MAP3K10: variants seen among roughly 807,000 people sequenced by gnomAD.
MAP3K10 encodes the protein MKN28 derived nonreceptor_type serine/threonine kinase.
MAP3K10 carries 22 observed loss-of-function variants against 75.0 expected under a neutral mutation model. The observed-to-expected ratio is 0.29, with a 90% CI of 0.21 to 0.42. The LOEUF (loss-of-function observed/expected upper bound fraction) is 0.42. Ranked by LOEUF, MAP3K10 falls within the 10% of genes least tolerant of loss-of-function variation. The pLI is 1.00. For synonymous variants in MAP3K10, 599 were observed against 612.9 expected (o/e 0.98, Z 0.34); for missense variants, 1,165 against 1,379.8 (o/e 0.84, Z 2.47).
In MAP3K10 at chr19:40,204,539, C is replaced by T. The variant is rs556924077; in HGVS notation, c.918C>T (p.Ile306=). ...CGGGGGAGGTCCCCTACCGTGAGAT[C>T]GACGCCTTGGCCGTGGCGTATGGCG... ...LLTGEVPYRE[I]DALAVAYGVA... The change falls in exon 3 of 10, where the codon ATC becomes ATT. Residue 306 remains isoleucine (I), a synonymous_variant. Coordinates refer to ENST00000253055, the MANE Select transcript of MAP3K10 (RefSeq NM_002446.4). This position sits in a 1 kb window ranked among gnomAD's most constrained non-coding sequence, Gnocchi z 4.3. 3.1e-6 allele frequency: 5 copies of T among 1,613,952 alleles called. No homozygotes were observed. Among genetic ancestry groups the T allele is most frequent in the African/African-American group, 1.3e-5 (1 of 75,018 alleles).
rs1012757775 is a variant in MAP3K10 at position 40,191,955 on chromosome 19, G to A, written c.-77G>A. The A allele has an allele frequency of 7.5e-6, 8 of 1,067,864 alleles. No individual in the cohort carries two copies. In the Admixed American group the frequency reaches 1.4e-4, roughly 18 times the overall value. 66.1% of individuals were successfully genotyped at this position (1,067,864 alleles called of 1,614,324 possible). ...CCCCGCAGGGACTGCCCTCCATCCCGGCCGCCGGGGCCCGCCCTCTGCATC... is the reference window on the plus strand; with the variant it reads ...CCCCGCAGGGACTGCCCTCCATCCCAGCCGCCGGGGCCCGCCCTCTGCATC... On this transcript the variant is annotated 5_prime_UTR_variant, in exon 1 of 10. Coordinates refer to ENST00000253055, the MANE Select transcript of MAP3K10 (RefSeq NM_002446.4).
At position 40,215,421 on chromosome 19, in the gene MAP3K10, A is replaced by T; in HGVS notation, c.*129A>T. On this transcript the variant is annotated 3_prime_UTR_variant, in exon 10 of 10. Transcript: ENST00000253055. ...CACTCTATTTATTGGGGAAGGAGGG[A>T]GGGGGGGGACACTTAACTTATTCCT... The T allele has an allele frequency of 3.8e-6, 3 of 781,970 alleles. No homozygotes were observed. The highest frequency in any genetic ancestry group is 5.9e-6 in the Non-Finnish European group (3 of 507,514). The allele number at this position is 781,970 out of a possible 1,614,324, so 48.4% of individuals were successfully genotyped here.
intron 5 of MAP3K10, among the ~76,000 whole-genome samples, chr19:40,208,521 C>T (rs1973177815): frequency 6.7e-6 from 1 of 149,164 alleles, no homozygotes; most frequent in Non-Finnish European, 1.5e-5. Context: ...AAAATTTAAA[C>T]TCAAATTGCG....
chr19:40,205,814 T>A lies in MAP3K10; in HGVS notation c.1189-97T>A. ...CAGTGTACCCCACAGCAAGGTACCC[T>A]TGTGTGAGGCACCAACCAGACGCAG... On this transcript the variant is annotated intron_variant, in intron 4 of 9. Transcript: ENST00000253055. This position sits in a 1 kb window ranked among gnomAD's most constrained non-coding sequence, Gnocchi z 4.3. The A allele has an allele frequency of 2.3e-6, 3 of 1,326,378 alleles. No individual in the cohort carries two copies. Among genetic ancestry groups the A allele is most frequent in the Non-Finnish European group, 3.0e-6 (3 of 999,946 alleles). 82.2% of individuals were successfully genotyped at this position (1,326,378 alleles called of 1,614,324 possible). A position where few individuals can be genotyped will look rare whatever the true frequency, so the allele number is the denominator to read the frequency against.
rs763428986 is a variant in MAP3K10, at chr19:40,209,220, G to A, written c.1552+1G>A. On this transcript the variant is annotated splice_donor_variant, in intron 6 of 9. Coordinates refer to ENST00000253055, the MANE Select transcript of MAP3K10 (RefSeq NM_002446.4). LOFTEE classifies it high-confidence loss of function. ...ATCCCCCGGCTGAGGGCCATTCGCC[G>A]TGAGTATCTCCCAAGGCCCTGACCA... The A allele has an allele frequency of 6.2e-7, 1 of 1,612,820 alleles. No homozygotes were observed. The highest frequency in any genetic ancestry group is 8.5e-7 in the Non-Finnish European group (1 of 1,178,952).
chr19:40,208,233 A>C (rs1973158926), intron 5 of MAP3K10, among the ~76,000 whole-genome samples: 1 of 150,816 alleles, frequency 6.6e-6, no homozygotes, highest in Non-Finnish European at 1.5e-5. Context: ...GTGCAGTGGC[A>C]TGATCTCGGC....
intron 6 of MAP3K10, among the ~76,000 whole-genome samples, chr19:40,210,114 A>G (rs1002857202): frequency 6.6e-6 from 1 of 152,092 alleles, no homozygotes; most frequent in Non-Finnish European, 1.5e-5. Context: ...AAAAATACAA[A>G]AAGTCAGCCA....
chr19:40,193,220 C>T (rs867490766), intron 1 of MAP3K10, among the ~76,000 whole-genome samples: 1 of 152,188 alleles, frequency 6.6e-6, no homozygotes, highest in South Asian at 2.1e-4. Context: ...CATTCCCTGC[C>T]CCCTCTCCCC....
rs1973274274 is a variant in MAP3K10 at position 40,213,216 on chromosome 19, T to G, written c.1837+28T>G. On this transcript the variant is annotated intron_variant, in intron 8 of 9. Transcript: ENST00000253055. This position sits in a 1 kb window ranked among gnomAD's most constrained non-coding sequence, Gnocchi z 5.7. ...AAGAGCCTGGGTTCTTGTAAGGGGGTGGGGGTTCCCTGGCCAAAGGGGTGA... is the reference window on the plus strand; with the variant it reads ...AAGAGCCTGGGTTCTTGTAAGGGGGGGGGGGTTCCCTGGCCAAAGGGGTGA... 1 of 1,534,860 alleles carries G rather than the reference T, an allele frequency of 6.5e-7. No homozygotes were observed. Among genetic ancestry groups the G allele is most frequent in the South Asian group, 1.2e-5 (1 of 81,854 alleles).
Position 40,213,824 on chromosome 19 carries a change from C to G in MAP3K10, c.2145C>G (p.Gly715=). The stretch of plus-strand genomic sequence containing the variant: ...ACGGCCTCTTCTTTCCCCGCGCCGG[C>G]CGCTTCCCGCGGGGCCTCAGCCCAC... ...WLDGLFFPRA[G]RFPRGLSPPA... Residue 715 remains glycine (G), a synonymous_variant, in exon 9 of 10, where the codon GGC becomes GGG. Transcript: ENST00000253055. The surrounding 1 kb of genome is among the most constrained non-coding windows in gnomAD (Gnocchi z 5.7). 1 of 1,312,580 alleles carries G rather than the reference C, an allele frequency of 7.6e-7. No individual in the cohort carries two copies. Among genetic ancestry groups the G allele is most frequent in the Non-Finnish European group, 9.7e-7 (1 of 1,029,508 alleles). The allele number at this position is 1,312,580 out of a possible 1,614,324, so 81.3% of individuals were successfully genotyped here.
rs1261440505 is a variant in MAP3K10, at chr19:40,205,887, C to G, written c.1189-24C>G. ...AAGCAGAGCAGCTAAGCCCCTCCCC[C>G]CAGCCACCGCCTCTCCTTCCCAGGA... On this transcript the variant is annotated intron_variant, in intron 4 of 9. Transcript: ENST00000253055. The surrounding 1 kb of genome is among the most constrained non-coding windows in gnomAD (Gnocchi z 4.3). The G allele has an allele frequency of 3.3e-6, 5 of 1,503,756 alleles. No individual in the cohort carries two copies. The highest frequency in any genetic ancestry group is 3.6e-6 in the Non-Finnish European group (4 of 1,122,078). 93.2% of individuals were successfully genotyped at this position (1,503,756 alleles called of 1,614,324 possible).
In MAP3K10 at chr19:40,209,254, G is replaced by C. The variant is rs373434317; in HGVS notation, c.1552+35G>C. ...TCCCAAGGCCCTGACCAGTCAGTCA[G>C]TCAGTGAACAAACATTTTTTAGCAC... On this transcript the variant is annotated intron_variant, in intron 6 of 9. Transcript: ENST00000253055. 11 of 1,550,382 alleles carry C rather than the reference G, an allele frequency of 7.1e-6. No individual in the cohort carries two copies. In the African/African-American group the frequency reaches 1.1e-4, roughly 15 times the overall value.
Position 40,192,281 on chromosome 19 carries a change from C to A in MAP3K10, c.250C>A (p.Pro84Thr), listed in dbSNP as rs758386903. ...CGTGGCCCCCGGCGCCCCCGCTGCACCCGCGGGCCTCCAGCTGCCCCAGGA... is the reference window on the plus strand; with the variant it reads ...CGTGGCCCCCGGCGCCCCCGCTGCAACCGCGGGCCTCCAGCTGCCCCAGGA... ...NYVAPGAPAA[P>T]AGLQLPQEIP... is the part of the protein sequence containing the mutation. Residue 84 changes from proline (P) to threonine (T), a missense_variant, in exon 1 of 10, where the codon CCC becomes ACC. This residue lies in a region of MAP3K10 where 575 missense variants were observed against 793.2 expected (regional missense o/e 0.72). Transcript: ENST00000253055. The surrounding 1 kb of genome is among the most constrained non-coding windows in gnomAD (Gnocchi z 7.1). 6.3e-7 allele frequency: 1 copy of A among 1,593,128 alleles called. No homozygotes were observed. Among genetic ancestry groups the A allele is most frequent in the East Asian group, 2.3e-5 (1 of 44,244 alleles).
In MAP3K10 at chr19:40,192,000, A is replaced by G. The variant is rs1297521660; in HGVS notation, c.-32A>G. The G allele has an allele frequency of 7.4e-7, 1 of 1,350,928 alleles. No individual in the cohort carries two copies. Among genetic ancestry groups the G allele is most frequent in the South Asian group, 1.6e-5 (1 of 62,312 alleles). The allele number at this position is 1,350,928 out of a possible 1,614,324, so 83.7% of individuals were successfully genotyped here. ...TGCATCCCGCGGGCAGCCTGTGTGA[A>G]GCGGCCTCCCGCAGCCCCCGGCCCC... On this transcript the variant is annotated 5_prime_UTR_variant, in exon 1 of 10. Transcript: ENST00000253055.
chr19:40,193,328 C>T (rs992937289), intron 1 of MAP3K10, among the ~76,000 whole-genome samples: 2 of 152,174 alleles, frequency 1.3e-5, no homozygotes, highest in African/African-American at 2.4e-5. Flanking sequence ...CTTCATAGGC[C>T]GAGCTGGCCA....
chr19:40,202,232 G>A (rs929070788), intron 2 of MAP3K10, among the ~76,000 whole-genome samples: 2 of 152,132 alleles, frequency 1.3e-5, no homozygotes, highest in African/African-American at 4.8e-5. Context: ...AGTAGAGACG[G>A]GGTTTCACCG....
At chr19:40,200,612 CTTTTTTT>C (rs71171548) in intron 2 of MAP3K10, among the ~76,000 whole-genome samples, 6 of 79,974 alleles carry the variant, frequency 7.5e-5, no homozygotes, top group Middle Eastern at 8.5e-3. Flanking sequence ...TTTGTGCTAC[CTTTTTTT>C]TTTTTTTTTT....
Position 40,213,109 on chromosome 19 carries a change from GTCA to G in MAP3K10, c.1762_1764del (p.Ser589del), listed in dbSNP as rs867888886. ...GGCTGGGGGAAGGAAGCAAACAGTGGTCATCAAGTGCCCCCAACCTGGGCAAGT... is the reference window on the plus strand; with the variant it reads ...GGCTGGGGGAAGGAAGCAAACAGTGGTCAAGTGCCCCCAACCTGGGCAAGT... On this transcript the variant is annotated inframe_deletion, in exon 8 of 10. Coordinates refer to ENST00000253055, the MANE Select transcript of MAP3K10 (RefSeq NM_002446.4). The surrounding 1 kb of genome is among the most constrained non-coding windows in gnomAD (Gnocchi z 5.7). 1.2e-6 allele frequency: 2 copies of G among 1,605,474 alleles called. No homozygotes were observed. Among genetic ancestry groups the G allele is most frequent in the Non-Finnish European group, 1.7e-6 (2 of 1,176,836 alleles).
At position 40,213,992 on chromosome 19, in the gene MAP3K10, G is replaced by A. The variant is rs777647669; in HGVS notation, c.2313G>A (p.Pro771=). 2 of 1,527,390 alleles carry A rather than the reference G, an allele frequency of 1.3e-6. No individual in the cohort carries two copies. The highest frequency in any genetic ancestry group is 1.4e-5 in the African/African-American group (1 of 71,296). The allele number at this position is 1,527,390 out of a possible 1,614,324, so 94.6% of individuals were successfully genotyped here. A position where few individuals can be genotyped will look rare whatever the true frequency, so the allele number is the denominator to read the frequency against. The part of the protein sequence containing the change: ...LLRSDSDEAA[P]AAPSPPPSPP... Reference sequence around the variant, plus strand: ...GCTCTGACAGTGACGAGGCCGCACCGGCCGCGCCCTCCCCACCACCCTCCC... The same window carrying A: ...GCTCTGACAGTGACGAGGCCGCACCAGCCGCGCCCTCCCCACCACCCTCCC... Residue 771 remains proline (P), a synonymous_variant, in exon 9 of 10, where the codon CCG becomes CCA. Coordinates refer to ENST00000253055, the MANE Select transcript of MAP3K10 (RefSeq NM_002446.4). The surrounding 1 kb of genome is among the most constrained non-coding windows in gnomAD (Gnocchi z 5.7).
Sources: allele counts gnomAD v4.1 joint callset (sites outside exome capture counted in the v4.1 genomes callset), GRCh38; gene constraint gnomAD v4.1.1; regional missense constraint gnomAD v4.1.1; non-coding constraint Gnocchi (gnomAD v3.1); transcripts MANE v1.5; gene names NCBI Gene and HGNC (gene_info 2026-07-23, HGNC 2026-07-21).